Variants in CCDC171 observed in about 807,000 individuals in gnomAD.
The protein encoded by CCDC171 is coiled-coil domain-containing protein 171.
Under a neutral mutation model 168.2 loss-of-function variants are expected in CCDC171, and 177 were observed. The observed-to-expected ratio is 1.05, with a 90% CI of 0.93 to 1.19. CCDC171 has a LOEUF of 1.19. Among genes scored for constraint, CCDC171 ranks in the 50% most tolerant of loss-of-function variants. The probability of loss-of-function intolerance (pLI) is 0.00; values close to 1 mark genes in which losing one functional copy is unlikely to be tolerated. For synonymous variants in CCDC171, 687 were observed against 540.8 expected (o/e 1.27, Z -3.75); for missense variants, 1,991 against 1,539.0 (o/e 1.29, Z -4.91).
In CCDC171 at chr9:16,035,823, G is replaced by A. The variant is rs1833454808; in HGVS notation, n.1068-270G>A. ...TATGTCAGTCACTGGGCTATGTTGT[G>A]TGGAAGAGTAACTTACACATTTGAT... On this transcript the variant is annotated intron_variant and non_coding_transcript_variant, in intron 7 of 9. Coordinates refer to the CCDC171 transcript ENST00000486641. Among the ~76,000 whole-genome samples the A allele has an allele frequency of 2.6e-5, 4 of 152,162 alleles. No homozygotes were observed. In the South Asian group the frequency reaches 8.3e-4, roughly 31 times the overall value.
At chr9:15,557,147 T>C (rs1391466765) in intron 1 of CCDC171, among the ~76,000 whole-genome samples, 1 of 152,158 alleles carries the variant, frequency 6.6e-6, no homozygotes, top group Non-Finnish European at 1.5e-5. Flanking sequence ...ACTGTAGCCT[T>C]GTAGTATAGT....
intron 21 of CCDC171, among the ~76,000 whole-genome samples, chr9:15,823,199 A>G (rs1471864833): frequency 6.6e-6 from 1 of 151,922 alleles, no homozygotes; most frequent in Non-Finnish European, 1.5e-5. Flanking sequence ...TGGGAGGGAT[A>G]ACATTAGGAG....
At chr9:15,822,043 T>C (rs2059796818) in intron 21 of CCDC171, among the ~76,000 whole-genome samples, 1 of 152,142 alleles carries the variant, frequency 6.6e-6, no homozygotes, top group Non-Finnish European at 1.5e-5. Flanking sequence ...TCTACAACTA[T>C]CTGATCTTTG....
In CCDC171 at chr9:15,729,459, T is replaced by G. The variant is rs915181222; in HGVS notation, c.1861-151T>G. 8.3e-6 allele frequency: 4 copies of G among 480,500 alleles called. No homozygotes were observed. In the East Asian group the frequency reaches 1.3e-4, roughly 15 times the overall value. 29.8% of individuals were successfully genotyped at this position (480,500 alleles called of 1,614,324 possible). A position where few individuals can be genotyped will look rare whatever the true frequency, so the allele number is the denominator to read the frequency against. Reference sequence around the variant, plus strand: ...AGTTTACACTGCTATTTTCTTTTTTTAAATTTCTTTATTTACATTTTATGT... The same window carrying G: ...AGTTTACACTGCTATTTTCTTTTTTGAAATTTCTTTATTTACATTTTATGT... On this transcript the variant is annotated intron_variant, in intron 15 of 25. Transcript: ENST00000380701.
At position 15,777,723 on chromosome 9, in the gene CCDC171, C is replaced by A; in HGVS notation, c.2795C>A (p.Thr932Lys). ...CIPLHSSRSI[T>K]YVEKDSLVQR... ...CCTCTGCACAGTAGCAGGAGTATTA[C>A]ATATGTAGAAAAAGATTCCCTGGTT... Residue 932 changes from threonine (T) to lysine (K), a missense_variant, in exon 19 of 26, where the codon ACA becomes AAA. Coordinates refer to ENST00000380701, the MANE Select transcript of CCDC171 (RefSeq NM_173550.4). 3.7e-6 allele frequency: 6 copies of A among 1,613,698 alleles called. No homozygotes were observed. The highest frequency in any genetic ancestry group is 5.1e-6 in the Non-Finnish European group (6 of 1,179,774).
chr9:15,862,076 C>G (rs2061583900), intron 23 of CCDC171, among the ~76,000 whole-genome samples: 1 of 151,296 alleles, frequency 6.6e-6, no homozygotes. Context: ...TTCTGGCTTG[C>G]AAAGTTTGAG....
intron 10 of CCDC171, among the ~76,000 whole-genome samples, chr9:15,694,316 T>C (rs149494879): frequency 6.6e-6 from 1 of 152,324 alleles, no homozygotes; most frequent in Non-Finnish European, 1.5e-5. Context: ...TTACACCAAT[T>C]ATATTCAGCC....
At chr9:15,661,657 G>A (rs1009895203) in intron 8 of CCDC171, among the ~76,000 whole-genome samples, 1 of 152,184 alleles carries the variant, frequency 6.6e-6, no homozygotes, top group Admixed American at 6.5e-5. Context: ...ATAAACTACT[G>A]TTGAATATGT....
At chr9:15,664,186 C>T (rs988247937) in intron 8 of CCDC171, among the ~76,000 whole-genome samples, 3 of 152,102 alleles carry the variant, frequency 2.0e-5, no homozygotes, top group East Asian at 3.9e-4. Flanking sequence ...GTGTTGGTTA[C>T]ACTAAAAATC....
At chr9:16,015,637 C>T (rs1372238069) in intron 3 of CCDC171, among the ~76,000 whole-genome samples, 1 of 152,128 alleles carries the variant, frequency 6.6e-6, no homozygotes. Flanking sequence ...ATATACATAA[C>T]ACAAAATTGA....
chr9:16,036,131 A>C (rs1833462839), exon 8 of CCDC171: 1 of 152,250 alleles, frequency 6.6e-6, no homozygotes, highest in South Asian at 2.1e-4. Flanking sequence ...ACAGACCAAC[A>C]GGAAGTTCCC....
intron 5 of CCDC171, among the ~76,000 whole-genome samples, chr9:15,591,975 A>G (rs1038347867): frequency 1.3e-5 from 2 of 152,144 alleles, no homozygotes; most frequent in African/African-American, 4.8e-5. Context: ...CATGTTTTGT[A>G]TAAACATGAT....
At chr9:15,626,070 C>T (rs1260458511) in intron 7 of CCDC171, among the ~76,000 whole-genome samples, 1 of 152,118 alleles carries the variant, frequency 6.6e-6, no homozygotes, top group Non-Finnish European at 1.5e-5. Flanking sequence ...ATTTTATTCT[C>T]TTTGTAGCAA....
chr9:16,073,480 C>T, the CCDC171 span, among the ~76,000 whole-genome samples: 1,834 of 152,272 alleles, frequency 0.012, 43 homozygotes, highest in African/African-American at 0.04. Context: ...ATGTTGCTTA[C>T]AATCATAATT....
At chr9:15,765,937 G>T (rs1344748361) in intron 18 of CCDC171, among the ~76,000 whole-genome samples, 10 of 152,040 alleles carry the variant, frequency 6.6e-5, no homozygotes, top group African/African-American at 2.4e-4. Context: ...TATTTTTTCA[G>T]GGAAGTTTAT....
At chr9:15,673,468 G>C (rs938813760) in intron 9 of CCDC171, among the ~76,000 whole-genome samples, 1 of 152,166 alleles carries the variant, frequency 6.6e-6, no homozygotes, top group African/African-American at 2.4e-5. Flanking sequence ...CATTCAGTAT[G>C]ATATTGGCTG....
At chr9:15,768,879 C>T (rs2056869957) in intron 18 of CCDC171, among the ~76,000 whole-genome samples, 1 of 152,202 alleles carries the variant, frequency 6.6e-6, no homozygotes. Flanking sequence ...GCAGTATCAG[C>T]AGCAATATTG....
intron 1 of CCDC171, among the ~76,000 whole-genome samples, chr9:15,554,136 C>T (rs896669963): frequency 2.6e-5 from 4 of 151,946 alleles, no homozygotes; most frequent in African/African-American, 9.7e-5. Flanking sequence ...TCTCCTGTCT[C>T]AGCCTCCCCA....
At chr9:15,810,471 G>C (rs1213734942) in intron 21 of CCDC171, among the ~76,000 whole-genome samples, 1 of 149,874 alleles carries the variant, frequency 6.7e-6, no homozygotes, top group Non-Finnish European at 1.5e-5. Flanking sequence ...GGGGAGGCTA[G>C]GGCCACTTGG....
Sources: gnomAD v4.1 joint callset for allele counts (sites outside exome capture counted in the v4.1 genomes callset) on GRCh38, gnomAD v4.1.1 for gene constraint, MANE v1.5 for transcripts, NCBI Gene and HGNC (gene_info 2026-07-23, HGNC 2026-07-21) for gene names.